The following PKNOX1 variants were observed in gnomAD, a reference collection of about 807,000 sequenced individuals.
PKNOX1 encodes homeobox protein PKNOX1.
In PKNOX1, 15 loss-of-function variants were observed where a neutral mutation model predicts 51.9. The observed-to-expected ratio is 0.29, with a 90% CI of 0.19 to 0.45. The LOEUF (loss-of-function observed/expected upper bound fraction) is 0.45, where lower values mean the gene tolerates loss of function less well. Ranked by LOEUF, PKNOX1 falls within the 20% of genes least tolerant of loss-of-function variation. The pLI, the probability that PKNOX1 is intolerant of heterozygous loss-of-function variation, is 1.00. For missense variants in PKNOX1, 462 were observed against 547.5 expected, an observed-to-expected ratio of 0.84 and a Z score of 1.56; for synonymous variants, 219 against 211.1, an observed-to-expected ratio of 1.04 and a Z score of -0.32.
At chr21:42,977,609 G>A (rs1036718043) in intron 1 of PKNOX1, among the ~76,000 whole-genome samples, 3 of 137,712 alleles carry the variant, frequency 2.2e-5, no homozygotes, top group Non-Finnish European at 3.0e-5. Context: ...GAGCAATGGC[G>A]TGATCTCGGC....
chr21:43,002,434 CCT>C (rs1372582268), intron 1 of PKNOX1, among the ~76,000 whole-genome samples: 2 of 149,264 alleles, frequency 1.3e-5, no homozygotes, highest in Non-Finnish European at 3.0e-5. Context: ...AACTTTGCCC[CCT>C]CCCTTTTACC....
At chr21:43,016,612 T>C (rs375986176) in intron 5 of PKNOX1, among the ~76,000 whole-genome samples, 15 of 152,348 alleles carry the variant, frequency 9.8e-5, no homozygotes, top group South Asian at 6.2e-4. Flanking sequence ...TCTTCCTCGA[T>C]ATACTCCTGG....
At chr21:43,022,726 C>T (rs1228699946) in intron 8 of PKNOX1, among the ~76,000 whole-genome samples, 1 of 152,078 alleles carries the variant, frequency 6.6e-6, no homozygotes, top group African/African-American at 2.4e-5. Flanking sequence ...ATGTTAGTGT[C>T]GTTCAATATA....
At chr21:42,987,570 C>T (rs2059060895) in intron 1 of PKNOX1, among the ~76,000 whole-genome samples, 1 of 150,366 alleles carries the variant, frequency 6.7e-6, no homozygotes, top group Non-Finnish European at 1.5e-5. Flanking sequence ...TGGGCCAGAT[C>T]CCACTGACCT....
intron 4 of PKNOX1, among the ~76,000 whole-genome samples, chr21:43,011,372 G>A (rs114545302): frequency 0.014 from 2,162 of 152,264 alleles, 58 homozygotes; most frequent in African/African-American, 0.05. Context: ...CCCGGCGACA[G>A]CTCTGTCTTG....
intron 9 of PKNOX1, chr21:43,028,476 G>A: frequency 1.8e-6 from 1 of 540,644 alleles, no homozygotes; most frequent in South Asian, 2.3e-5. Flanking sequence ...TGGACGAGTT[G>A]GTGCTTATTT....
Position 43,018,169 on chromosome 21 carries a change from C to T in PKNOX1, c.659C>T (p.Pro220Leu), listed in dbSNP as rs1261016203. Reference protein sequence around the residue: ...TVYQPVTVVTPQGQVVTQTLS... With the variant: ...TVYQPVTVVTLQGQVVTQTLS... ...TATCAGCCTGTCACGGTCGTCACTCCCCAAGGCCAAGTGGTCACACAGACA... is the reference window on the plus strand; with the variant it reads ...TATCAGCCTGTCACGGTCGTCACTCTCCAAGGCCAAGTGGTCACACAGACA... Residue 220 changes from proline to leucine, a missense_variant, in exon 7 of 11, where the codon CCC (proline) becomes CTC (leucine). Pro to Leu is a moderately conservative substitution (Grantham distance 98, BLOSUM62 -3). This residue lies in a region of PKNOX1 where 126 missense variants were observed against 128.1 expected (regional missense o/e 0.98). Coordinates refer to ENST00000291547, the MANE Select transcript of PKNOX1 (RefSeq NM_004571.5). 6.2e-7 allele frequency: 1 copy of T among 1,613,586 alleles called. No individual in the cohort carries two copies. Among genetic ancestry groups the T allele is most frequent in the African/African-American group, 1.3e-5 (1 of 74,838 alleles).
intron 1 of PKNOX1, among the ~76,000 whole-genome samples, chr21:42,984,670 G>C (rs2146227307): frequency 6.6e-6 from 1 of 152,350 alleles, no homozygotes; most frequent in Admixed American, 6.5e-5. Flanking sequence ...TTATAGGCGT[G>C]AGCCACCATG....
chr21:42,979,617 C>G (rs2059016570), intron 1 of PKNOX1, among the ~76,000 whole-genome samples: 1 of 152,164 alleles, frequency 6.6e-6, no homozygotes, highest in Non-Finnish European at 1.5e-5. Flanking sequence ...TGGCGGGCAC[C>G]TGTATTCTCA....
At chr21:43,011,663 A>G (rs985287526) in intron 4 of PKNOX1, among the ~76,000 whole-genome samples, 12 of 152,232 alleles carry the variant, frequency 7.9e-5, no homozygotes, top group African/African-American at 2.9e-4. Context: ...CCTTCGAGCC[A>G]TCTTGGTCCC....
intron 1 of PKNOX1, among the ~76,000 whole-genome samples, chr21:42,980,405 T>C (rs2059020502): frequency 6.6e-6 from 1 of 151,910 alleles, no homozygotes; most frequent in African/African-American, 2.4e-5. Flanking sequence ...TACTTGTAAA[T>C]AGCAGAAATA....
chr21:43,016,974 C>T lies in PKNOX1; in HGVS notation c.589C>T (p.Gln197Ter). ...AATTGTGGTGCCGGCGTCCGCGCTG[C>T]AGCAGGGAAACGTAGCCATGGCGAC... The part of the protein sequence containing the change: ...QGIVVPASAL[Q>*]QGNVAMATVA... Residue 197 changes from glutamine to a stop codon, truncating the protein, a stop_gained, in exon 6 of 11, where the codon CAG becomes TAG. Coordinates refer to ENST00000291547, the MANE Select transcript of PKNOX1 (RefSeq NM_004571.5). LOFTEE classifies it high-confidence loss of function. The T allele has an allele frequency of 6.2e-7, 1 of 1,612,916 alleles. No homozygotes were observed. The highest frequency in any genetic ancestry group is 8.5e-7 in the Non-Finnish European group (1 of 1,179,742).
chr21:43,007,697 C>T (rs1311991707), intron 3 of PKNOX1, 79 bp downstream of exon 3: 2 of 1,515,324 alleles, frequency 1.3e-6, no homozygotes, highest in South Asian at 1.1e-5. Context: ...AACACCAGAA[C>T]TAGTAGCGAG....
chr21:43,032,331 G>A lies in PKNOX1; in HGVS notation c.*2230G>A, dbSNP rs112957555. 6.4e-3 allele frequency: 2,596 copies of A among 406,010 alleles called. 10 individuals carry two copies. Among genetic ancestry groups the A allele is most frequent in the Non-Finnish European group, 0.01 (2,033 of 199,316 alleles). 25.2% of individuals were successfully genotyped at this position (406,010 alleles called of 1,614,324 possible). A position where few individuals can be genotyped will look rare whatever the true frequency, so the allele number is the denominator to read the frequency against. The stretch of plus-strand genomic sequence containing the variant: ...CTTCCTCCTTCCCTCACCACCCTCC[G>A]TCTCTTCGGCTGCTTGCTCTTTAGT... On this transcript the variant is annotated 3_prime_UTR_variant, in exon 11 of 11. Transcript: ENST00000291547.
At position 43,010,075 on chromosome 21, in the gene PKNOX1, G is replaced by C; in HGVS notation, c.202G>C (p.Ala68Pro). ...CAGGCATCCACTATTTCCATTATTA[G>C]CTTTGTTGTTTGAAAAATGTGAACA... ...IYRHPLFPLL[A>P]LLFEKCEQST... Residue 68 changes from alanine to proline, a missense_variant, in exon 4 of 11, where the codon GCT becomes CCT. Around this residue, in one of 5 missense-constraint regions of PKNOX1, gnomAD observed 129 missense variants for 133.4 expected, o/e 0.97. Transcript: ENST00000291547. 1.9e-6 allele frequency: 3 copies of C among 1,567,684 alleles called. No individual in the cohort carries two copies. Among genetic ancestry groups the C allele is most frequent in the Non-Finnish European group, 2.6e-6 (3 of 1,160,402 alleles).
intron 2 of PKNOX1, among the ~76,000 whole-genome samples, chr21:43,004,939 A>G (rs1167768634): frequency 5.3e-5 from 8 of 152,078 alleles, no homozygotes; most frequent in Admixed American, 5.2e-4. Flanking sequence ...GCAGCTCTCC[A>G]TTGCCCTCCC....
At position 42,987,809 on chromosome 21, in the gene PKNOX1, AG is replaced by A. The variant is rs2059062805; in HGVS notation, c.-57+13148del. On this transcript the variant is annotated intron_variant, in intron 1 of 10. Coordinates refer to ENST00000291547, the MANE Select transcript of PKNOX1 (RefSeq NM_004571.5). ...AATTTTTTGTATTTTTAGTAGAGAC[AG>A]GGTTTCACCATGTTAGCCAGGATGG... is the stretch of plus-strand genomic sequence containing the variant. Among the ~76,000 whole-genome samples the A allele has an allele frequency of 5.9e-5, 9 of 151,838 alleles. No individual in the cohort carries two copies. In the South Asian group the frequency reaches 1.9e-3, roughly 32 times the overall value.
chr21:43,025,454 G>A (rs75486649), intron 9 of PKNOX1, among the ~76,000 whole-genome samples: 3,388 of 152,304 alleles, frequency 0.022, 87 homozygotes, highest in Admixed American at 0.072. Flanking sequence ...TCTTGTGGGG[G>A]TCCTGCTCCA....
At chr21:43,010,692 C>T (rs1004079607) in intron 4 of PKNOX1, among the ~76,000 whole-genome samples, 5 of 151,806 alleles carry the variant, frequency 3.3e-5, no homozygotes, top group African/African-American at 1.2e-4. Flanking sequence ...GGCCAAAATC[C>T]CATCTCTACT....
Sources: allele counts gnomAD v4.1 joint callset (sites outside exome capture counted in the v4.1 genomes callset), GRCh38; gene constraint gnomAD v4.1.1; regional missense constraint gnomAD v4.1.1; transcripts MANE v1.5; gene names NCBI Gene and HGNC (gene_info 2026-07-23, HGNC 2026-07-21).